Variants in STYXL2 observed in about 807,000 individuals in gnomAD.
The protein encoded by STYXL2 is serine/threonine/tyrosine-interacting-like protein 2.
In STYXL2, 44 loss-of-function variants were observed where a neutral mutation model predicts 52.4. The ratio of observed to expected loss-of-function variants is 0.84; its 90% CI spans 0.66 to 1.08. The LOEUF (loss-of-function observed/expected upper bound fraction) is 1.08, where lower values mean the gene tolerates loss of function less well. Ranked by LOEUF, STYXL2 falls within the 50% of genes least tolerant of loss-of-function variation. The pLI is 0.00. For synonymous variants in STYXL2, 604 were observed against 586.9 expected, an observed-to-expected ratio of 1.03 and a Z score of -0.42; for missense variants, 1,604 against 1,471.7, an observed-to-expected ratio of 1.09 and a Z score of -1.47.
rs995470331 is a variant in STYXL2 at position 167,126,619 on chromosome 1, C to A, written c.1488C>A (p.His496Gln). 1.2e-6 allele frequency: 2 copies of A among 1,613,866 alleles called. No individual in the cohort carries two copies. The highest frequency in any genetic ancestry group is 1.7e-5 in the Admixed American group (1 of 59,988). Residue 496 changes from histidine to glutamine, a missense_variant, in exon 6 of 6, where the codon CAC (histidine) becomes CAA (glutamine). Physicochemically the swap from His to Gln is conservative, Grantham distance 24. Coordinates refer to ENST00000361200, the MANE Select transcript of STYXL2 (RefSeq NM_001080426.3). The part of the protein sequence containing the change: ...EIEKEASRRY[H>Q]AKSKREEAAD... Reference sequence around the variant, plus strand: ...AGAAGGAGGCTTCCCGGAGGTACCACGCCAAGAGCAAGAGAGAGGAGGCGG... The same window carrying A: ...AGAAGGAGGCTTCCCGGAGGTACCAAGCCAAGAGCAAGAGAGAGGAGGCGG...
chr1:167,119,442 G>T lies in STYXL2; in HGVS notation c.631G>T (p.Asp211Tyr). 6.2e-7 allele frequency: 1 copy of T among 1,614,196 alleles called. No homozygotes were observed. Residue 211 changes from aspartate (D) to tyrosine (Y), a missense_variant, in exon 5 of 6, where the codon GAT becomes TAT. By Grantham distance (160) the Asp-to-Tyr change is radical. Coordinates refer to ENST00000361200, the MANE Select transcript of STYXL2 (RefSeq NM_001080426.3). ...TTTCCGGAAGGCGTCTGAGTTCCTG[G>T]ATGAGGCGCTGCTGACTTACAGAGG... ...QHFRKASEFLDEALLTYRGKV... is the reference protein window; with the variant it reads ...QHFRKASEFLYEALLTYRGKV...
In STYXL2 at chr1:167,121,795, A is replaced by T. The variant is rs72691530; in HGVS notation, c.655+2329A>T. 2.1e-3 allele frequency among the ~76,000 whole-genome samples: 323 copies of T among 152,350 alleles called. 2 individuals are homozygous for T. The highest frequency in any genetic ancestry group is 3.5e-3 in the Non-Finnish European group (236 of 68,028). ...AGCGCTGAGTGTCCAGATCCCTTGCAGGGTCCAGTGCGCCCTGCGGGCATC... is the reference window on the plus strand; with the variant it reads ...AGCGCTGAGTGTCCAGATCCCTTGCTGGGTCCAGTGCGCCCTGCGGGCATC... On this transcript the variant is annotated intron_variant, in intron 5 of 5. Coordinates refer to ENST00000361200, the MANE Select transcript of STYXL2 (RefSeq NM_001080426.3).
In STYXL2 at chr1:167,113,784, C is replaced by G. The variant is rs751696943; in HGVS notation, c.185C>G (p.Ala62Gly). Residue 62 changes from alanine to glycine, a missense_variant, in exon 3 of 6, where the codon GCC (alanine) becomes GGC (glycine). By Grantham distance (60) the Ala-to-Gly change is moderately conservative. Coordinates refer to ENST00000361200, the MANE Select transcript of STYXL2 (RefSeq NM_001080426.3). ...ATTCACCTCTCCTCAGCCATTGCAG[C>G]CAAACAGATCATCAATGAAGGTAAT... is the stretch of plus-strand genomic sequence containing the variant. The part of the protein sequence containing the change: ...EPIHLSSAIA[A>G]KQIINEELKP... The G allele has an allele frequency of 1.9e-6, 3 of 1,613,806 alleles. No homozygotes were observed. The Admixed American group carries it at 5.0e-5, about 27-fold the overall frequency.
At chr1:167,118,556 C>T (rs1288360333) in intron 4 of STYXL2, among the ~76,000 whole-genome samples, 1 of 152,214 alleles carries the variant, frequency 6.6e-6, no homozygotes, top group African/African-American at 2.4e-5. Context: ...CTTACGGTCA[C>T]TAAGAACCCA....
chr1:167,120,334 A>G (rs1667824247), intron 5 of STYXL2, among the ~76,000 whole-genome samples: 1 of 152,240 alleles, frequency 6.6e-6, no homozygotes, highest in Admixed American at 6.5e-5. Context: ...AGGATTTGCT[A>G]CACTGTATAT....
chr1:167,104,093 T>A (rs975980041), intron 2 of STYXL2, among the ~76,000 whole-genome samples: 3 of 151,994 alleles, frequency 2.0e-5, no homozygotes, highest in African/African-American at 7.3e-5. Context: ...CACTCCAGCC[T>A]GGGGGACAGA....
chr1:167,126,092 G>A lies in STYXL2; in HGVS notation c.961G>A (p.Ala321Thr), dbSNP rs199963325. 5 of 1,525,820 alleles carry A rather than the reference G, an allele frequency of 3.3e-6. No individual in the cohort carries two copies. Among genetic ancestry groups the A allele is most frequent in the Admixed American group, 2.2e-5 (1 of 46,104 alleles). 94.5% of individuals were successfully genotyped at this position (1,525,820 alleles called of 1,614,324 possible). The change falls in exon 6 of 6, where the codon GCC becomes ACC. Residue 321 changes from alanine (A) to threonine (T), a missense_variant. Ala to Thr is a moderately conservative substitution (Grantham distance 58). Transcript: ENST00000361200. ...ALTVEEEDDS[A>T]SHLSGSSLGK... ...GACGGTGGAAGAGGAGGACGACAGC[G>A]CCAGCCACCTGAGTGGCTCCTCCCT... is the stretch of plus-strand genomic sequence containing the variant.
chr1:167,105,163 CTTCCTTTTTTTCTGT>C (rs1473806598), intron 2 of STYXL2, among the ~76,000 whole-genome samples: 2 of 151,038 alleles, frequency 1.3e-5, no homozygotes, highest in Non-Finnish European at 2.9e-5. Flanking sequence ...TCCTTCCTTC[CTTCCTTTTTTTCTGT>C]TTCCTTTTTT....
At position 167,126,756 on chromosome 1, in the gene STYXL2, C is replaced by T. The variant is rs747566732; in HGVS notation, c.1625C>T (p.Thr542Ile). 2.5e-6 allele frequency: 4 copies of T among 1,614,082 alleles called. No individual in the cohort carries two copies. The highest frequency in any genetic ancestry group is 1.1e-5 in the South Asian group (1 of 91,092). Residue 542 changes from threonine to isoleucine, a missense_variant, in exon 6 of 6, where the codon ACT becomes ATT. Thr to Ile is a moderately conservative substitution (Grantham distance 89). Coordinates refer to ENST00000361200, the MANE Select transcript of STYXL2 (RefSeq NM_001080426.3). ...TGCAGCAGGAACAAGGACAAGCTCA[C>T]TGCCCTGGAAAGATGGAAGATCAAG... ...NFCSRNKDKL[T>I]ALERWKIKRI...
intron 2 of STYXL2, among the ~76,000 whole-genome samples, chr1:167,098,333 A>G (rs1244731251): frequency 2.6e-5 from 4 of 151,980 alleles, no homozygotes; most frequent in African/African-American, 9.7e-5. Context: ...GAAATTAGCC[A>G]GGCAAGGTTT....
Position 167,127,910 on chromosome 1 carries a change from G to A in STYXL2, c.2779G>A (p.Val927Ile). 1 of 1,614,144 alleles carries A rather than the reference G, an allele frequency of 6.2e-7. No homozygotes were observed. The highest frequency in any genetic ancestry group is 8.5e-7 in the Non-Finnish European group (1 of 1,180,024). Residue 927 changes from valine to isoleucine, a missense_variant, in exon 6 of 6, where the codon GTT becomes ATT. By Grantham distance (29) the Val-to-Ile change is conservative. Transcript: ENST00000361200. Reference protein sequence around the residue: ...VCDHYASGSRVGKEMDSSINK... With the variant: ...VCDHYASGSRIGKEMDSSINK... ...TGATCACTATGCAAGTGGCAGCAGA[G>A]TTGGCAAAGAGATGGATAGCAGTAT...
chr1:167,111,574 T>C (rs938201207), intron 2 of STYXL2, among the ~76,000 whole-genome samples: 1 of 147,996 alleles, frequency 6.8e-6, no homozygotes, highest in Non-Finnish European at 1.5e-5. Context: ...CATAAAACGG[T>C]CTAAAATAAT....
At chr1:167,111,072 A>G (rs1667607456) in intron 2 of STYXL2, among the ~76,000 whole-genome samples, 1 of 152,224 alleles carries the variant, frequency 6.6e-6, no homozygotes, top group Non-Finnish European at 1.5e-5. Context: ...AGAATTTTTG[A>G]AAGATGAACA....
Position 167,127,600 on chromosome 1 carries a change from C to A in STYXL2, c.2469C>A (p.Ile823=). 6.2e-7 allele frequency: 1 copy of A among 1,614,194 alleles called. No homozygotes were observed. The highest frequency in any genetic ancestry group is 8.5e-7 in the Non-Finnish European group (1 of 1,180,038). ...RSKVRGTSKP[I]FSLFADNVDL... is the part of the protein sequence containing the mutation. ...AAGTGAGGGGGACCAGCAAGCCCAT[C>A]TTCAGCCTCTTTGCTGACAATGTGG... The change falls in exon 6 of 6, where the codon ATC becomes ATA. Residue 823 remains isoleucine, a synonymous_variant. Coordinates refer to ENST00000361200, the MANE Select transcript of STYXL2 (RefSeq NM_001080426.3).
chr1:167,095,044 C>A, intron 2 of STYXL2, 85 bp downstream of exon 2: 1 of 914,648 alleles, frequency 1.1e-6, no homozygotes, highest in Non-Finnish European at 1.7e-6. Flanking sequence ...AGGGAGCCTG[C>A]AGCCATCACC....
chr1:167,121,772 C>G (rs1667862568), intron 5 of STYXL2, among the ~76,000 whole-genome samples: 1 of 152,244 alleles, frequency 6.6e-6, no homozygotes, highest in Non-Finnish European at 1.5e-5. Flanking sequence ...TAGGTCGGAG[C>G]GCTGAGTGTC....
At position 167,094,123 on chromosome 1, in the gene STYXL2, C is replaced by A. The variant is rs1356109411; in HGVS notation, c.-88C>A. On this transcript the variant is annotated 5_prime_UTR_variant, in exon 1 of 6. Transcript: ENST00000361200. ...AGGTGGCTGGTTCCTGTCTCACTGG[C>A]CGGAGCTTCAGCTTCAGTCATTTCA... The A allele has an allele frequency of 6.5e-6, 1 of 152,728 alleles. No individual in the cohort carries two copies. The highest frequency in any genetic ancestry group is 1.5e-5 in the Non-Finnish European group (1 of 68,420). 9.5% of individuals were successfully genotyped at this position (152,728 alleles called of 1,614,324 possible). A position where few individuals can be genotyped will look rare whatever the true frequency, so the allele number is the denominator to read the frequency against.
At chr1:167,105,910 C>A (rs773007721) in intron 2 of STYXL2, among the ~76,000 whole-genome samples, 3 of 152,140 alleles carry the variant, frequency 2.0e-5, no homozygotes, top group Admixed American at 6.5e-5. Flanking sequence ...CTTCATCCCC[C>A]CTCTTTTCTC....
At chr1:167,108,872 T>C (rs1667559629) in intron 2 of STYXL2, among the ~76,000 whole-genome samples, 1 of 152,206 alleles carries the variant, frequency 6.6e-6, no homozygotes, top group African/African-American at 2.4e-5. Flanking sequence ...GGGGAAAGTC[T>C]GCCTCCAAAC....
Sources: gnomAD v4.1 joint callset for allele counts (sites outside exome capture counted in the v4.1 genomes callset) on GRCh38, gnomAD v4.1.1 for gene constraint, MANE v1.5 for transcripts, NCBI Gene and HGNC (gene_info 2026-07-23, HGNC 2026-07-21) for gene names.